The following FGD4 variants were observed in gnomAD, a reference collection of about 807,000 sequenced individuals.
FGD4 encodes the protein FYVE, RhoGEF and PH domain-containing protein 4.
FGD4 carries 42 observed loss-of-function variants against 102.0 expected under a neutral mutation model. That is an observed-to-expected ratio of 0.41 (90% CI 0.32 to 0.53). The LOEUF (loss-of-function observed/expected upper bound fraction) is 0.53, where lower values mean the gene tolerates loss of function less well. Among genes scored for constraint, FGD4 ranks in the 20% least tolerant of loss-of-function variants. The pLI is 0.21. For synonymous variants in FGD4, 380 were observed against 375.7 expected (o/e 1.01, Z -0.13); for missense variants, 902 against 1,078.2 (o/e 0.84, Z 2.29).
intron 10 of FGD4, among the ~76,000 whole-genome samples, chr12:32,612,528 G>A (rs758685288): frequency 3.3e-5 from 5 of 152,206 alleles, no homozygotes; most frequent in Non-Finnish European, 7.3e-5. Context: ...ATTTACTTCA[G>A]TAGCACATAC....
intron 10 of FGD4, among the ~76,000 whole-genome samples, chr12:32,617,550 G>A (rs557310825): frequency 6.6e-4 from 101 of 152,316 alleles, no homozygotes; most frequent in African/African-American, 2.4e-3. Context: ...ATTGAGGCTT[G>A]TAGTTTTTAA....
intron 1 of FGD4, among the ~76,000 whole-genome samples, chr12:32,532,848 CTAT>C (rs1565811286): frequency 6.6e-6 from 1 of 152,088 alleles, no homozygotes; most frequent in African/African-American, 2.4e-5. Context: ...TCTCCATGTA[CTAT>C]TACCCTATTC....
intron 1 of FGD4, among the ~76,000 whole-genome samples, chr12:32,473,097 C>G (rs572631946): frequency 6.6e-6 from 1 of 151,706 alleles, no homozygotes; most frequent in Admixed American, 6.6e-5. Context: ...CTGTTGGGGA[C>G]GTGGAGAACC....
chr12:32,482,478 A>C (rs918416065), intron 1 of FGD4, among the ~76,000 whole-genome samples: 5 of 152,244 alleles, frequency 3.3e-5, no homozygotes, highest in African/African-American at 1.2e-4. Flanking sequence ...AGGAAGTTAC[A>C]CATATGTTCT....
At position 32,399,940 on chromosome 12, in the gene FGD4, G is replaced by A; in HGVS notation, c.147G>A (p.Gln49=). ...GRVGTAAFKG[Q]VPSGATGSST... ...TAGGGACCGCTGCCTTCAAGGGCCA[G>A]GTGCCCTCAGGAGCCACAGGTAAGC... The change falls in exon 1 of 17, where the codon CAG becomes CAA. Residue 49 remains glutamine (Q), a synonymous_variant. Transcript: ENST00000534526. The A allele has an allele frequency of 6.7e-7, 1 of 1,501,368 alleles. No homozygotes were observed. The highest frequency in any genetic ancestry group is 1.2e-5 in the South Asian group (1 of 81,130). The allele number at this position is 1,501,368 out of a possible 1,614,324, so 93.0% of individuals were successfully genotyped here. A position where few individuals can be genotyped will look rare whatever the true frequency, so the allele number is the denominator to read the frequency against.
Position 32,602,230 on chromosome 12 carries a change from T to A in FGD4, c.1317T>A (p.Tyr439Ter). ...LAPFLKMYGEYVKGFDNAMEL... is the reference protein window; with the variant it reads ...LAPFLKMYGE ...CATTCCTTAAGATGTATGGAGAATA[T>A]GTGAAAGGATTTGATAATGCAATGG... The change falls in exon 7 of 17, where the codon TAT (tyrosine) becomes TAA (stop). Residue 439 changes from tyrosine (Y) to a stop codon, truncating the protein, a stop_gained. Coordinates refer to ENST00000534526, the MANE Select transcript of FGD4 (RefSeq NM_001370298.3). LOFTEE classifies it high-confidence loss of function. The A allele has an allele frequency of 6.2e-7, 1 of 1,614,118 alleles. No individual in the cohort carries two copies. The highest frequency in any genetic ancestry group is 2.2e-5 in the East Asian group (1 of 44,858).
At chr12:32,458,049 G>A (rs541946387) in intron 1 of FGD4, among the ~76,000 whole-genome samples, 4 of 150,864 alleles carry the variant, frequency 2.7e-5, no homozygotes, top group African/African-American at 7.3e-5. Flanking sequence ...TTGGGAGTAC[G>A]AGCCTGAATT....
intron 1 of FGD4, among the ~76,000 whole-genome samples, chr12:32,541,693 CAAAAT>C (rs1942847025): frequency 6.6e-6 from 1 of 152,042 alleles, no homozygotes; most frequent in African/African-American, 2.4e-5. Flanking sequence ...AAGAGAATAT[CAAAAT>C]AAAGAGGAGA....
At chr12:32,405,006 T>A (rs1426880613) in intron 1 of FGD4, among the ~76,000 whole-genome samples, 1 of 152,152 alleles carries the variant, frequency 6.6e-6, no homozygotes, top group Non-Finnish European at 1.5e-5. Flanking sequence ...CAATCTCGGC[T>A]CACTTCAAGC....
At chr12:32,567,573 A>G (rs1052596503) in intron 2 of FGD4, among the ~76,000 whole-genome samples, 1 of 152,076 alleles carries the variant, frequency 6.6e-6, no homozygotes, top group African/African-American at 2.4e-5. Context: ...ACAAACTATA[A>G]TATCAGTTGC....
intron 1 of FGD4, among the ~76,000 whole-genome samples, chr12:32,490,399 C>CTTTTTTTT (rs3077004): frequency 7.6e-6 from 1 of 130,920 alleles, no homozygotes; most frequent in Non-Finnish European, 1.6e-5. Context: ...TTTTATCAGT[C>CTTTTTTTT]TTTTTTTTTT....
intron 7 of FGD4, among the ~76,000 whole-genome samples, chr12:32,606,580 CTT>C (rs1948798129): frequency 6.6e-6 from 1 of 151,356 alleles, no homozygotes; most frequent in Non-Finnish European, 1.5e-5. Flanking sequence ...CCTAGTCTGT[CTT>C]TTTCTTCAGA....
intron 10 of FGD4, among the ~76,000 whole-genome samples, chr12:32,616,725 T>G (rs1949471500): frequency 6.6e-6 from 1 of 152,254 alleles, no homozygotes; most frequent in Non-Finnish European, 1.5e-5. Flanking sequence ...TATCTGCTTT[T>G]AAATGATCTT....
At position 32,530,941 on chromosome 12, in the gene FGD4, G is replaced by GGTTTTTTT. The variant is rs1941730134; in HGVS notation, c.167-33196_167-33195insGTTTTTTT. Among the ~76,000 whole-genome samples, 8 of 70,466 alleles carry GGTTTTTTT rather than the reference G, an allele frequency of 1.1e-4. No homozygotes were observed. In the East Asian group the frequency reaches 4.1e-3, roughly 36 times the overall value. 46.2% of individuals were successfully genotyped at this position (70,466 alleles called of 152,430 possible). ...TATGACAATCAGTTTCCTAGCTTTG[G>GGTTTTTTT]TTTTTTTTTTTTTTTTTTTTTTTTT... On this transcript the variant is annotated intron_variant, in intron 1 of 16. Coordinates refer to ENST00000534526, the MANE Select transcript of FGD4 (RefSeq NM_001370298.3).
intron 1 of FGD4, among the ~76,000 whole-genome samples, chr12:32,533,260 T>C (rs753497934): frequency 8.5e-5 from 13 of 152,224 alleles, no homozygotes; most frequent in Non-Finnish European, 1.9e-4. Context: ...ATGTATGTCT[T>C]GATAACCCAG....
chr12:32,489,814 A>G (rs1944030014), intron 1 of FGD4, among the ~76,000 whole-genome samples: 1 of 152,174 alleles, frequency 6.6e-6, no homozygotes, highest in African/African-American at 2.4e-5. Flanking sequence ...TATATATTAA[A>G]AAAATCAAGA....
chr12:32,515,997 G>T (rs1017737939), intron 1 of FGD4, among the ~76,000 whole-genome samples: 1 of 152,080 alleles, frequency 6.6e-6, no homozygotes, highest in African/African-American at 2.4e-5. Flanking sequence ...CCAGTAACTT[G>T]ATTTTAATAA....
At chr12:32,433,196 C>T (rs994342800) in intron 1 of FGD4, among the ~76,000 whole-genome samples, 12 of 151,940 alleles carry the variant, frequency 7.9e-5, no homozygotes, top group African/African-American at 2.9e-4. Context: ...TGGGTTTCCC[C>T]ATGTTGGCCA....
rs576538324 is a variant in FGD4 at position 32,417,367 on chromosome 12, G to A, written c.166+17408G>A. On this transcript the variant is annotated intron_variant, in intron 1 of 16. Coordinates refer to ENST00000534526, the MANE Select transcript of FGD4 (RefSeq NM_001370298.3). ...CTAGGGTAAATTTTTTTTTTCTTCC[G>A]CATTTTAAATATGTCATGCCTGTAA... Among the ~76,000 whole-genome samples the A allele has an allele frequency of 3.2e-4, 48 of 151,280 alleles. No individual in the cohort carries two copies. The South Asian group carries it at 8.3e-3, about 26-fold the overall frequency.
Sources: allele counts gnomAD v4.1 joint callset (sites outside exome capture counted in the v4.1 genomes callset), GRCh38; gene constraint gnomAD v4.1.1; transcripts MANE v1.5; gene names NCBI Gene and HGNC (gene_info 2026-07-23, HGNC 2026-07-21).